Variants in SLC24A1 observed in about 807,000 individuals in gnomAD.
The protein encoded by SLC24A1 is sodium/potassium/calcium exchanger 1.
Under a neutral mutation model 88.1 loss-of-function variants are expected in SLC24A1, and 52 were observed. The observed-to-expected ratio is 0.59, with a 90% confidence interval of 0.47 to 0.74. SLC24A1 has a LOEUF of 0.74. Ranked by LOEUF, SLC24A1 falls within the 30% of genes least tolerant of loss-of-function variation. SLC24A1 has a pLI of 0.00. For missense variants in SLC24A1, 1,173 were observed against 1,363.3 expected (o/e 0.86, Z 2.20); for synonymous variants, 455 against 498.0 (o/e 0.91, Z 1.15).
intron 8 of SLC24A1, 47 bp from the exon 9 acceptor site, chr15:65,652,594 GA>G: frequency 6.3e-7 from 1 of 1,581,030 alleles, no homozygotes; most frequent in African/African-American, 1.3e-5. Flanking sequence ...ATAGTGCTTG[GA>G]TGTGCCTCAG....
intron 2 of SLC24A1, among the ~76,000 whole-genome samples, chr15:65,631,617 A>G (rs2074727693): frequency 6.6e-6 from 1 of 152,228 alleles, no homozygotes; most frequent in Non-Finnish European, 1.5e-5. Flanking sequence ...AGCTTGGCAC[A>G]TTAGAGGAAA....
In SLC24A1 at chr15:65,655,738, G is replaced by C; in HGVS notation, c.*1659G>C. On this transcript the variant is annotated 3_prime_UTR_variant, in exon 10 of 10. Coordinates refer to ENST00000261892, the MANE Select transcript of SLC24A1 (RefSeq NM_004727.3). ...CATTTTGGCATTGAATGATGGCTAA[G>C]GTGTTCCAAGTATTCCATCTTTTAA... 8.1e-6 allele frequency: 8 copies of C among 985,308 alleles called. No individual in the cohort carries two copies. The highest frequency in any genetic ancestry group is 8.4e-6 in the Non-Finnish European group (7 of 829,856). 61.0% of individuals were successfully genotyped at this position (985,308 alleles called of 1,614,324 possible). A position where few individuals can be genotyped will look rare whatever the true frequency, so the allele number is the denominator to read the frequency against.
chr15:65,650,275 T>C lies in SLC24A1; in HGVS notation c.2233-107T>C. ...CACTAGTTTTCTCCTCATACTTAAG[T>C]TTTCAGATACCTTCTGAGAAGCACG... On this transcript the variant is annotated intron_variant, in intron 6 of 9. Coordinates refer to ENST00000261892, the MANE Select transcript of SLC24A1 (RefSeq NM_004727.3). This position sits in a 1 kb window ranked among gnomAD's most constrained non-coding sequence, Gnocchi z 4.1. 1.1e-6 allele frequency: 1 copy of C among 902,756 alleles called. No homozygotes were observed. Among genetic ancestry groups the C allele is most frequent in the Admixed American group, 2.8e-5 (1 of 36,344 alleles). 55.9% of individuals were successfully genotyped at this position (902,756 alleles called of 1,614,324 possible).
chr15:65,625,198 C>G lies in SLC24A1; in HGVS notation c.1118C>G (p.Thr373Arg), dbSNP rs2141466992. The G allele has an allele frequency of 6.2e-7, 1 of 1,613,964 alleles. No homozygotes were observed. The highest frequency in any genetic ancestry group is 1.1e-5 in the South Asian group (1 of 91,088). ...IVWRLAKKPS[T>R]APSTSTTPTV... The stretch of plus-strand genomic sequence containing the variant: ...TGGAGGCTGGCAAAGAAACCTTCCA[C>G]AGCACCCAGCACCTCAACAACCCCT... The change falls in exon 2 of 10, where the codon ACA becomes AGA. Residue 373 changes from threonine (T) to arginine (R), a missense_variant. Physicochemically the swap from Thr to Arg is moderately conservative, Grantham distance 71. Coordinates refer to ENST00000261892, the MANE Select transcript of SLC24A1 (RefSeq NM_004727.3).
chr15:65,647,634 T>C (rs2075350920), intron 6 of SLC24A1, among the ~76,000 whole-genome samples: 1 of 152,134 alleles, frequency 6.6e-6, no homozygotes. Context: ...CTGGGGCTAT[T>C]AGGAGTGACA....
chr15:65,635,446 CAAAAAAAAAAAAAAAA>C (rs56960432), intron 2 of SLC24A1, among the ~76,000 whole-genome samples: 6 of 58,352 alleles, frequency 1.0e-4, no homozygotes, highest in Non-Finnish European at 1.5e-4. Flanking sequence ...ACTCCGTCTC[CAAAAAAAAAAAAAAAA>C]AAAAAAAAGA....
rs571231323 is a variant in SLC24A1 at position 65,650,721 on chromosome 15, G to T, written c.2572G>T (p.Asp858Tyr). The T allele has an allele frequency of 1.9e-6, 3 of 1,569,422 alleles. No individual in the cohort carries two copies. The East Asian group carries it at 7.1e-5, about 37-fold the overall frequency. ...VEDGGGSDGGDSEEEEEEEEE... is the reference protein window; with the variant it reads ...VEDGGGSDGGYSEEEEEEEEE... ...AGATGGAGGGGGAAGTGATGGAGGG[G>T]ATAGCGAAGAGGAGGAAGAGGAGGA... The change falls in exon 7 of 10, where the codon GAT (aspartate) becomes TAT (tyrosine). Residue 858 changes from aspartate to tyrosine, a missense_variant. Asp to Tyr is a radical substitution (Grantham distance 160). Coordinates refer to ENST00000261892, the MANE Select transcript of SLC24A1 (RefSeq NM_004727.3). This position sits in a 1 kb window ranked among gnomAD's most constrained non-coding sequence, Gnocchi z 4.1.
chr15:65,626,076 G>T, intron 2 of SLC24A1, 106 bp downstream of exon 2: 1 of 818,090 alleles, frequency 1.2e-6, no homozygotes, highest in Non-Finnish European at 2.1e-6. Context: ...AGAGATGAAT[G>T]CTCTGGTTCC....
chr15:65,650,254 A>T lies in SLC24A1; in HGVS notation c.2233-128A>T. 1 of 689,560 alleles carries T rather than the reference A, an allele frequency of 1.5e-6. No homozygotes were observed. The allele number at this position is 689,560 out of a possible 1,614,324, so 42.7% of individuals were successfully genotyped here. A position where few individuals can be genotyped will look rare whatever the true frequency, so the allele number is the denominator to read the frequency against. ...GGGAATTCTGCTGAATTATCGCACT[A>T]GTTTTCTCCTCATACTTAAGTTTTC... On this transcript the variant is annotated intron_variant, in intron 6 of 9. Transcript: ENST00000261892. The surrounding 1 kb of genome is among the most constrained non-coding windows in gnomAD (Gnocchi z 4.1).
chr15:65,634,740 CAAAA>C (rs5813364), intron 2 of SLC24A1, among the ~76,000 whole-genome samples: 1 of 90,534 alleles, frequency 1.1e-5, no homozygotes, highest in Non-Finnish European at 2.2e-5. Context: ...TCAAAAGCAC[CAAAA>C]AAAAAAAAAA....
rs373383445 is a variant in SLC24A1, at chr15:65,624,753, A to G, written c.673A>G (p.Ile225Val). 2.5e-6 allele frequency: 4 copies of G among 1,613,614 alleles called. No homozygotes were observed. The highest frequency in any genetic ancestry group is 3.4e-6 in the Non-Finnish European group (4 of 1,179,730). ...TPRTTVKDSD[I>V]TATYKILETN... ...CAGGACAACAGTGAAAGACAGTGAC[A>G]TTACAGCAACCTATAAAATACTCGA... Residue 225 changes from isoleucine to valine, a missense_variant, in exon 2 of 10, where the codon ATT (isoleucine) becomes GTT (valine). Ile to Val is a conservative substitution (Grantham distance 29, BLOSUM62 3). Transcript: ENST00000261892.
At position 65,625,071 on chromosome 15, in the gene SLC24A1, A is replaced by T. The variant is rs574082600; in HGVS notation, c.991A>T (p.Ser331Cys). 2.2e-5 allele frequency: 35 copies of T among 1,613,766 alleles called. No homozygotes were observed. Among genetic ancestry groups the T allele is most frequent in the Admixed American group, 2.0e-4 (12 of 60,026 alleles). Residue 331 changes from serine to cysteine, a missense_variant, in exon 2 of 10, where the codon AGC (serine) becomes TGC (cysteine). Ser to Cys is a moderately radical substitution (Grantham distance 112). Transcript: ENST00000261892. ...GQVTISTMTG[S>C]SPAETKAFTA... is the part of the protein sequence containing the mutation. The stretch of plus-strand genomic sequence containing the variant: ...GGTGACAATAAGCACCATGACAGGC[A>T]GCAGCCCAGCAGAAACCAAAGCCTT...
At chr15:65,634,740 C>CAAAAAAAAAAAAAAAAAAAAAA (rs5813364) in intron 2 of SLC24A1, among the ~76,000 whole-genome samples, 4 of 90,532 alleles carry the variant, frequency 4.4e-5, no homozygotes, top group East Asian at 3.0e-4. Flanking sequence ...TCAAAAGCAC[C>CAAAAAAAAAAAAAAAAAAAAAA]AAAAAAAAAA....
At chr15:65,635,308 A>C (rs183259854) in intron 2 of SLC24A1, among the ~76,000 whole-genome samples, 3 of 151,942 alleles carry the variant, frequency 2.0e-5, no homozygotes, top group Admixed American at 2.0e-4. Flanking sequence ...GGTGAAACCC[A>C]GTCTCTACTA....
At chr15:65,617,872 A>G (rs2074200308), upstream of SLC24A1, among the ~76,000 whole-genome samples, 1 of 152,152 alleles carries the variant, frequency 6.6e-6, no homozygotes, top group African/African-American at 2.4e-5. Context: ...TGGGTTTGTT[A>G]TAAATACTTC....
chr15:65,621,858 C>T (rs984115671), upstream of SLC24A1: 2 of 152,252 alleles, frequency 1.3e-5, no homozygotes, highest in Non-Finnish European at 2.9e-5. Context: ...GGACCCAGAA[C>T]TTGTACAATG....
chr15:65,625,783 A>G lies in SLC24A1; in HGVS notation c.1703A>G (p.Asp568Gly). Residue 568 changes from aspartate (D) to glycine (G), a missense_variant, in exon 2 of 10, where the codon GAC (aspartate) becomes GGC (glycine). Coordinates refer to ENST00000261892, the MANE Select transcript of SLC24A1 (RefSeq NM_004727.3). ...CGTGATGTCTCCTTCTACATCCTTGACCTGATAATGCTCATCCTCTTCTTC... is the reference window on the plus strand; with the variant it reads ...CGTGATGTCTCCTTCTACATCCTTGGCCTGATAATGCTCATCCTCTTCTTC... ...LFRDVSFYIL[D>G]LIMLILFFLD... 1 of 1,613,964 alleles carries G rather than the reference A, an allele frequency of 6.2e-7. No individual in the cohort carries two copies.
chr15:65,615,014 G>A (rs2074091518), intron 2 of SLC24A1, among the ~76,000 whole-genome samples: 2 of 152,148 alleles, frequency 1.3e-5, no homozygotes, highest in Non-Finnish European at 2.9e-5. Flanking sequence ...CCAGCTGTTC[G>A]AGACTAGCCT....
At chr15:65,621,543 T>C (rs116983859), upstream of SLC24A1, among the ~76,000 whole-genome samples, 940 of 152,340 alleles carry the variant, frequency 6.2e-3, 3 homozygotes, top group Middle Eastern at 0.034. Context: ...GGTATTATTA[T>C]CCCCACATTT....
Sources: gnomAD v4.1 joint callset for allele counts (sites outside exome capture counted in the v4.1 genomes callset) on GRCh38, gnomAD v4.1.1 for gene constraint, Gnocchi (gnomAD v3.1) non-coding constraint, MANE v1.5 for transcripts, NCBI Gene and HGNC (gene_info 2026-07-23, HGNC 2026-07-21) for gene names.